THEMIS: variants seen among roughly 807,000 people sequenced by gnomAD.
THEMIS encodes thymocyte selection associated, also known as protein THEMIS.
Under a neutral mutation model 52.6 loss-of-function variants are expected in THEMIS, and 37 were observed. The ratio of observed to expected loss-of-function variants is 0.70; its 90% CI spans 0.54 to 0.93. The LOEUF is 0.93. Among genes scored for constraint, THEMIS ranks in the 40% least tolerant of loss-of-function variants. THEMIS has a pLI of 0.00. For missense variants in THEMIS, 808 were observed against 763.1 expected, an observed-to-expected ratio of 1.06 and a Z score of -0.69; for synonymous variants, 292 against 272.7, an observed-to-expected ratio of 1.07 and a Z score of -0.70.
intron 4 of THEMIS, among the ~76,000 whole-genome samples, chr6:127,809,166 G>T (rs1039039964): frequency 6.6e-6 from 1 of 152,066 alleles, no homozygotes; most frequent in Non-Finnish European, 1.5e-5. Flanking sequence ...CTTACTATTT[G>T]TTATCCAAAT....
At chr6:127,769,354 T>G (rs866529029) in intron 4 of THEMIS, among the ~76,000 whole-genome samples, 32 of 147,070 alleles carry the variant, frequency 2.2e-4, no homozygotes, top group Non-Finnish European at 4.6e-4. Context: ...TTTTTTTTGT[T>G]TTTTTTTTTT....
intron 3 of THEMIS, among the ~76,000 whole-genome samples, chr6:127,818,841 C>A (rs934956795): frequency 6.6e-6 from 1 of 151,832 alleles, no homozygotes; most frequent in African/African-American, 2.4e-5. Context: ...AACACAGGAC[C>A]AGGTGCGGTG....
At chr6:127,894,027 G>A (rs188223252) in intron 1 of THEMIS, among the ~76,000 whole-genome samples, 34 of 151,886 alleles carry the variant, frequency 2.2e-4, no homozygotes, top group Non-Finnish European at 7.4e-5. Flanking sequence ...TCTAACATAG[G>A]CACATGGAAC....
At chr6:127,698,988 T>TA in the THEMIS span, among the ~76,000 whole-genome samples, 1 of 151,940 alleles carries the variant, frequency 6.6e-6, no homozygotes, top group Non-Finnish European at 1.5e-5. Context: ...TTGCAGCTGA[T>TA]ACATTTTTTT....
intron 4 of THEMIS, among the ~76,000 whole-genome samples, chr6:127,765,818 A>C (rs1254441757): frequency 1.3e-5 from 2 of 152,094 alleles, no homozygotes; most frequent in Non-Finnish European, 2.9e-5. Context: ...ATACCATCTT[A>C]AGTTTGCTTA....
At position 127,897,296 on chromosome 6, in the gene THEMIS, C is replaced by T. The variant is rs144691246; in HGVS notation, c.91+3546G>A. ...AAAATATAAACTGACTACACTAACA[C>T]GAAAGTGGAAAACTTTCGTCCATTA... On this transcript the variant is annotated intron_variant, in intron 1 of 5. Coordinates refer to ENST00000368248, the MANE Select transcript of THEMIS (RefSeq NM_001010923.3). Among the ~76,000 whole-genome samples the T allele has an allele frequency of 1.5e-4, 23 of 151,184 alleles. 1 individual carries two copies. The highest frequency in any genetic ancestry group is 7.3e-4 in the Admixed American group (11 of 15,162).
intron 1 of THEMIS, among the ~76,000 whole-genome samples, chr6:127,893,464 T>C (rs991768662): frequency 3.3e-5 from 5 of 152,156 alleles, no homozygotes; most frequent in Admixed American, 2.0e-4. Context: ...AGGACAAATG[T>C]TCAATGTTTT....
At chr6:127,886,606 G>A (rs1249131859) in intron 1 of THEMIS, among the ~76,000 whole-genome samples, 2 of 152,056 alleles carry the variant, frequency 1.3e-5, no homozygotes, top group South Asian at 2.1e-4. Flanking sequence ...GAGTAGCTGA[G>A]GTCAGTCCCA....
chr6:127,833,028 C>A (rs1377335296), intron 2 of THEMIS, among the ~76,000 whole-genome samples: 1 of 151,832 alleles, frequency 6.6e-6, no homozygotes, highest in Non-Finnish European at 1.5e-5. Context: ...AGGTGATCTG[C>A]CCGCCTCAGC....
At chr6:127,814,957 G>C (rs899665223) in intron 3 of THEMIS, among the ~76,000 whole-genome samples, 1 of 152,114 alleles carries the variant, frequency 6.6e-6, no homozygotes, top group Non-Finnish European at 1.5e-5. Flanking sequence ...AGGAGTTCGA[G>C]ACTAGCCTGG....
chr6:127,818,339 C>G (rs1367109594), intron 3 of THEMIS, among the ~76,000 whole-genome samples: 5 of 152,064 alleles, frequency 3.3e-5, no homozygotes, highest in Non-Finnish European at 5.9e-5. Context: ...AACAGTGCTC[C>G]TGTATAATAA....
At chr6:127,907,588 G>A (rs533799373) in intron 1 of THEMIS, among the ~76,000 whole-genome samples, 3 of 151,760 alleles carry the variant, frequency 2.0e-5, no homozygotes, top group Non-Finnish European at 2.9e-5. Flanking sequence ...CATAATTTCA[G>A]GTTCACGGGC....
intron 4 of THEMIS, among the ~76,000 whole-genome samples, chr6:127,806,508 A>G (rs950911636): frequency 6.6e-6 from 1 of 152,168 alleles, no homozygotes; most frequent in African/African-American, 2.4e-5. Flanking sequence ...GTTTCTTCAC[A>G]TATTTCCAAT....
chr6:127,864,073 G>A (rs777750318), intron 1 of THEMIS, among the ~76,000 whole-genome samples: 1 of 152,080 alleles, frequency 6.6e-6, no homozygotes, highest in African/African-American at 2.4e-5. Context: ...AAGACTTAGG[G>A]AGATAATTGT....
At chr6:127,749,211 C>G (rs185429632) in intron 4 of THEMIS, among the ~76,000 whole-genome samples, 1 of 151,954 alleles carries the variant, frequency 6.6e-6, no homozygotes, top group South Asian at 2.1e-4. Context: ...CTGAAAAAGC[C>G]GCTTATTGTT....
upstream of THEMIS, among the ~76,000 whole-genome samples, chr6:127,905,654 G>T (rs963615898): frequency 6.6e-6 from 1 of 152,040 alleles, no homozygotes; most frequent in South Asian, 2.1e-4. Flanking sequence ...ACTATATATA[G>T]TTCATGCAAT....
In THEMIS at chr6:127,853,632, A is replaced by G. The variant is rs75117811; in HGVS notation, c.250+1398T>C. On this transcript the variant is annotated intron_variant, in intron 2 of 5. Coordinates refer to ENST00000368248, the MANE Select transcript of THEMIS (RefSeq NM_001010923.3). ...TTTTCATTCTTCCAACCTCAGCCCAATTAAAACATTCCCTAAAAAGCTTTT... is the reference window on the plus strand; with the variant it reads ...TTTTCATTCTTCCAACCTCAGCCCAGTTAAAACATTCCCTAAAAAGCTTTT... 6.4e-4 allele frequency among the ~76,000 whole-genome samples: 97 copies of G among 151,816 alleles called. No individual in the cohort carries two copies. In the East Asian group the frequency reaches 0.018, roughly 29 times the overall value.
intron 1 of THEMIS, among the ~76,000 whole-genome samples, chr6:127,906,998 G>A (rs564847321): frequency 1.5e-4 from 22 of 151,636 alleles, no homozygotes; most frequent in Admixed American, 1.1e-3. Context: ...CAGCAGTAGA[G>A]GCTTAAAACT....
intron 4 of THEMIS, among the ~76,000 whole-genome samples, chr6:127,793,978 C>A (rs1373356992): frequency 1.3e-5 from 2 of 152,134 alleles, no homozygotes; most frequent in South Asian, 2.1e-4. Context: ...CATTTTCCCC[C>A]AAAAAAGCAT....
Sources: allele counts gnomAD v4.1 joint callset (sites outside exome capture counted in the v4.1 genomes callset), GRCh38; gene constraint gnomAD v4.1.1; transcripts MANE v1.5; gene names NCBI Gene and HGNC (gene_info 2026-07-23, HGNC 2026-07-21).